RNF17: variants seen among roughly 807,000 people sequenced by gnomAD.
The protein encoded by RNF17 is ring finger protein 17, also known as spermatogenesis associated 23.
RNF17 carries 31 observed loss-of-function variants against 200.5 expected under a neutral mutation model. The ratio of observed to expected loss-of-function variants is 0.15; its 90% confidence interval spans 0.12 to 0.21. The LOEUF (loss-of-function observed/expected upper bound fraction) is 0.21, where lower values mean the gene tolerates loss of function less well. RNF17 is among the 10% of genes least tolerant of loss of function. The pLI, the probability that RNF17 is intolerant of heterozygous loss-of-function variation, is 1.00. For synonymous variants in RNF17, 606 were observed against 637.8 expected, an observed-to-expected ratio of 0.95 and a Z score of 0.75; for missense variants, 1,628 against 1,905.1, an observed-to-expected ratio of 0.85 and a Z score of 2.71.
intron 15 of RNF17, among the ~76,000 whole-genome samples, chr13:24,813,920 C>T (rs952664031): frequency 6.8e-6 from 1 of 146,990 alleles, no homozygotes; most frequent in Non-Finnish European, 1.5e-5. Context: ...CCTCAGCCTC[C>T]CAAAGTGCTG....
At chr13:24,815,310 GC>G (rs1887245415) in intron 15 of RNF17, among the ~76,000 whole-genome samples, 1 of 151,894 alleles carries the variant, frequency 6.6e-6, no homozygotes, top group East Asian at 1.9e-4. Flanking sequence ...AAACGGAATT[GC>G]TTTTTTAAAT....
At chr13:24,758,476 T>C in the RNF17 span, among the ~76,000 whole-genome samples, 1 of 152,176 alleles carries the variant, frequency 6.6e-6, no homozygotes, top group Non-Finnish European at 1.5e-5. Context: ...CTATGACTGG[T>C]ATAAGAAGAA....
At chr13:24,749,964 C>G in the RNF17 span, among the ~76,000 whole-genome samples, 1 of 152,144 alleles carries the variant, frequency 6.6e-6, no homozygotes, top group Non-Finnish European at 1.5e-5. Flanking sequence ...GTTGGTCAGG[C>G]TGATCTCAAA....
chr13:24,844,183 A>C (rs1013983133), intron 20 of RNF17, among the ~76,000 whole-genome samples: 1 of 152,172 alleles, frequency 6.6e-6, no homozygotes, highest in Admixed American at 6.5e-5. Context: ...CCTATTGAGC[A>C]CCTACTATAT....
chr13:24,872,487 C>G (rs576258766), intron 32 of RNF17, among the ~76,000 whole-genome samples: 4 of 151,086 alleles, frequency 2.6e-5, no homozygotes, highest in Non-Finnish European at 5.9e-5. Context: ...AAGTATATAC[C>G]GTACTAATTT....
upstream of RNF17, among the ~76,000 whole-genome samples, chr13:24,760,594 C>T (rs527567352): frequency 1.3e-5 from 2 of 152,206 alleles, no homozygotes; most frequent in East Asian, 3.9e-4. Context: ...AACAAAAGCA[C>T]AGGCAACAAA....
At chr13:24,834,261 A>G (rs1825344362) in intron 18 of RNF17, among the ~76,000 whole-genome samples, 1 of 152,052 alleles carries the variant, frequency 6.6e-6, no homozygotes, top group Non-Finnish European at 1.5e-5. Context: ...AAAAAAATAT[A>G]TATATTATCT....
chr13:24,791,150 C>T (rs957995319), intron 9 of RNF17, among the ~76,000 whole-genome samples: 1 of 151,902 alleles, frequency 6.6e-6, no homozygotes, highest in African/African-American at 2.4e-5. Context: ...TTTTGATGGC[C>T]ATTTGGGGGA....
chr13:24,851,661 T>C, intron 24 of RNF17, 90 bp downstream of exon 24: 2 of 730,980 alleles, frequency 2.7e-6, no homozygotes, highest in South Asian at 1.9e-5. Context: ...CAAGTCTGAA[T>C]TGCATCTTGT....
At chr13:24,853,722 A>G in intron 24 of RNF17, 133 bp from the exon 25 acceptor site, 1 of 646,120 alleles carries the variant, frequency 1.5e-6, no homozygotes, top group Non-Finnish European at 2.4e-6. Context: ...AACTGATGCT[A>G]ATTTTTATGT....
Position 24,868,362 on chromosome 13 carries a change from T to C in RNF17, c.4162-238T>C, listed in dbSNP as rs1036114057. 9.6e-5 allele frequency among the ~76,000 whole-genome samples: 14 copies of C among 145,500 alleles called. No individual in the cohort carries two copies. In the South Asian group the frequency reaches 1.1e-3, roughly 11 times the overall value. Reference sequence around the variant, plus strand: ...GCGGGCGCCTGTAGTCCCAGCTACTTGGGAGGCTGAGGCAGGAGAATGGCG... The same window carrying C: ...GCGGGCGCCTGTAGTCCCAGCTACTCGGGAGGCTGAGGCAGGAGAATGGCG... On this transcript the variant is annotated intron_variant, in intron 30 of 35. Transcript: ENST00000255324.
intron 9 of RNF17, among the ~76,000 whole-genome samples, chr13:24,792,307 A>G (rs1433432891): frequency 1.3e-5 from 2 of 152,166 alleles, no homozygotes; most frequent in Non-Finnish European, 2.9e-5. Flanking sequence ...ACTGATTACA[A>G]ATGGTAGTTA....
intron 24 of RNF17, among the ~76,000 whole-genome samples, chr13:24,852,433 C>T (rs973410589): frequency 4.6e-5 from 7 of 152,102 alleles, no homozygotes; most frequent in African/African-American, 1.7e-4. Flanking sequence ...CCACCACGCT[C>T]GGCCTCTTTT....
chr13:24,857,790 C>T (rs967327872), intron 25 of RNF17, among the ~76,000 whole-genome samples: 1 of 152,166 alleles, frequency 6.6e-6, no homozygotes, highest in African/African-American at 2.4e-5. Flanking sequence ...CTCAGCTACT[C>T]AGGAAACTGA....
chr13:24,837,879 TAAATG>T (rs1441430674), intron 18 of RNF17, among the ~76,000 whole-genome samples: 17 of 151,794 alleles, frequency 1.1e-4, no homozygotes, highest in Non-Finnish European at 2.2e-4. Context: ...ATACAAAAGA[TAAATG>T]AAAGAAAAAG....
intron 15 of RNF17, chr13:24,824,246 T>A (rs996514063): frequency 1.4e-6 from 1 of 712,404 alleles, no homozygotes; most frequent in African/African-American, 1.8e-5. Context: ...TTTTCAATGT[T>A]TCTGTATTGG....
chr13:24,766,079 A>G (rs1879639606), intron 1 of RNF17, among the ~76,000 whole-genome samples: 1 of 152,230 alleles, frequency 6.6e-6, no homozygotes, highest in Non-Finnish European at 1.5e-5. Flanking sequence ...AATACAAAAA[A>G]ATTAGCTAGG....
At chr13:24,854,209 T>C (rs1289525460) in intron 25 of RNF17, 65 bp downstream of exon 25, 11 of 1,263,250 alleles carry the variant, frequency 8.7e-6, no homozygotes, top group Non-Finnish European at 1.2e-5. Context: ...TGAAATACTT[T>C]GGGCAACCTC....
intron 31 of RNF17, among the ~76,000 whole-genome samples, chr13:24,869,374 A>G (rs1319552860): frequency 6.6e-6 from 1 of 152,356 alleles, no homozygotes. Context: ...GTTATGCTCT[A>G]TATAGTTGCT....
Sources: gnomAD v4.1 joint callset for allele counts (sites outside exome capture counted in the v4.1 genomes callset) on GRCh38, gnomAD v4.1.1 for gene constraint, MANE v1.5 for transcripts, NCBI Gene and HGNC (gene_info 2026-07-23, HGNC 2026-07-21) for gene names.